The following PBX3 variants were observed in gnomAD, a reference collection of about 807,000 sequenced individuals.
PBX3 encodes pre-B-cell leukemia transcription factor 3.
PBX3 carries 14 observed loss-of-function variants against 48.5 expected under a neutral mutation model. The ratio of observed to expected loss-of-function variants is 0.29; its 90% CI spans 0.19 to 0.45. The LOEUF (loss-of-function observed/expected upper bound fraction) is 0.45. Among genes scored for constraint, PBX3 ranks in the 20% least tolerant of loss-of-function variants. PBX3 has a pLI of 1.00. For missense variants in PBX3, 386 were observed against 546.7 expected (o/e 0.71, Z 2.93); for synonymous variants, 210 against 200.3 (o/e 1.05, Z -0.41).
intron 2 of PBX3, among the ~76,000 whole-genome samples, chr9:125,776,622 G>GC (rs1331264733): frequency 2.6e-5 from 4 of 152,074 alleles, no homozygotes; most frequent in Middle Eastern, 3.4e-3. Context: ...TGCAAACTCT[G>GC]CCCCCCGGGC....
intron 2 of PBX3, among the ~76,000 whole-genome samples, chr9:125,780,653 ACCTC>A (rs1837252575): frequency 9.1e-6 from 1 of 109,346 alleles, no homozygotes; most frequent in African/African-American, 3.6e-5. Context: ...TGACCCCCCC[ACCTC>A]CCTCCCGGAT....
chr9:125,757,286 A>T (rs1249353483), intron 2 of PBX3, among the ~76,000 whole-genome samples: 2 of 151,338 alleles, frequency 1.3e-5, no homozygotes, highest in African/African-American at 4.9e-5. Flanking sequence ...TTTTTTTTAA[A>T]AAAAAAACTA....
At chr9:125,754,636 C>G (rs1836463429) in intron 2 of PBX3, among the ~76,000 whole-genome samples, 1 of 151,998 alleles carries the variant, frequency 6.6e-6, no homozygotes, top group South Asian at 2.1e-4. Flanking sequence ...ACACTTGATT[C>G]TAATTATCCC....
chr9:125,865,154 A>G (rs1839950293), intron 2 of PBX3: 1 of 165,494 alleles, frequency 6.0e-6, no homozygotes, highest in Non-Finnish European at 1.5e-5. Flanking sequence ...TGGAATCTTC[A>G]TGGAGAGAAC....
chr9:125,750,392 T>C (rs1836338154), intron 2 of PBX3, among the ~76,000 whole-genome samples: 1 of 152,244 alleles, frequency 6.6e-6, no homozygotes, highest in Non-Finnish European at 1.5e-5. Flanking sequence ...GCTTTTCATG[T>C]TGAGACATTT....
At chr9:125,791,431 A>G (rs192895026) in intron 2 of PBX3, among the ~76,000 whole-genome samples, 37 of 151,944 alleles carry the variant, frequency 2.4e-4, no homozygotes, top group East Asian at 2.3e-3. Context: ...GTGATCCCCA[A>G]TGTTGGAGGA....
chr9:125,965,575 C>T (rs536465142), intron 8 of PBX3, among the ~76,000 whole-genome samples: 23 of 152,282 alleles, frequency 1.5e-4, no homozygotes, highest in South Asian at 1.0e-3. Flanking sequence ...AGGCCGAGCT[C>T]GATGCCAGCA....
At chr9:125,832,769 G>C (rs1309773526) in intron 2 of PBX3, among the ~76,000 whole-genome samples, 1 of 152,138 alleles carries the variant, frequency 6.6e-6, no homozygotes, top group Non-Finnish European at 1.5e-5. Context: ...GGGTTTCATG[G>C]CTTTTAGGAC....
At chr9:125,795,718 A>G (rs945551512) in intron 2 of PBX3, among the ~76,000 whole-genome samples, 1 of 152,210 alleles carries the variant, frequency 6.6e-6, no homozygotes, top group East Asian at 1.9e-4. Flanking sequence ...ATTAACACCA[A>G]TACAATTTCT....
chr9:125,865,855 AGAAGACC>A (rs1307989683), intron 2 of PBX3, among the ~76,000 whole-genome samples: 3 of 152,212 alleles, frequency 2.0e-5, no homozygotes, highest in Non-Finnish European at 4.4e-5. Flanking sequence ...GGTTGATGTG[AGAAGACC>A]TCTGAGAATC....
At chr9:125,952,785 A>G (rs1842220582) in intron 5 of PBX3, among the ~76,000 whole-genome samples, 1 of 152,156 alleles carries the variant, frequency 6.6e-6, no homozygotes, top group Non-Finnish European at 1.5e-5. Flanking sequence ...TTTATTCATT[A>G]AAATGTATAT....
chr9:125,858,215 A>G (rs928810904), intron 2 of PBX3, among the ~76,000 whole-genome samples: 2 of 152,184 alleles, frequency 1.3e-5, no homozygotes, highest in Admixed American at 6.5e-5. Flanking sequence ...AAATTAAAAA[A>G]TTATCTGAGC....
intron 2 of PBX3, among the ~76,000 whole-genome samples, chr9:125,911,320 C>T (rs1841198766): frequency 6.6e-6 from 1 of 152,064 alleles, no homozygotes; most frequent in Non-Finnish European, 1.5e-5. Flanking sequence ...ACACGTCTGT[C>T]TTAATCTTTC....
chr9:125,952,886 T>G (rs556163255), intron 5 of PBX3, among the ~76,000 whole-genome samples: 3 of 152,214 alleles, frequency 2.0e-5, no homozygotes, highest in Non-Finnish European at 4.4e-5. Flanking sequence ...CAGAAATTAC[T>G]TCTAAACCCC....
chr9:125,807,808 G>A (rs73595744), intron 2 of PBX3, among the ~76,000 whole-genome samples: 3 of 152,168 alleles, frequency 2.0e-5, no homozygotes, highest in African/African-American at 7.2e-5. Context: ...GGTTTCCCAT[G>A]CACCTTGACA....
At chr9:125,836,886 A>G (rs1839153896) in intron 2 of PBX3, among the ~76,000 whole-genome samples, 1 of 152,222 alleles carries the variant, frequency 6.6e-6, no homozygotes, top group African/African-American at 2.4e-5. Context: ...GTATGATAAC[A>G]GTGTGATAGA....
At chr9:125,765,226 T>A (rs7035666) in intron 2 of PBX3, among the ~76,000 whole-genome samples, 5,419 of 151,602 alleles carry the variant, frequency 0.036, 340 homozygotes, top group African/African-American at 0.12. Context: ...CATGGCTCAC[T>A]GCAACCTCTG....
chr9:125,943,950 C>T (rs998520893), intron 5 of PBX3, among the ~76,000 whole-genome samples: 1 of 152,236 alleles, frequency 6.6e-6, no homozygotes, highest in Non-Finnish European at 1.5e-5. Flanking sequence ...AATACTGTGA[C>T]CTCACTCTTC....
intron 2 of PBX3, among the ~76,000 whole-genome samples, chr9:125,912,308 G>A (rs1477060736): frequency 1.3e-5 from 2 of 152,092 alleles, no homozygotes; most frequent in Non-Finnish European, 2.9e-5. Flanking sequence ...CATTTGAGTG[G>A]GCTTTAGGTA....
Sources: allele counts gnomAD v4.1 joint callset (sites outside exome capture counted in the v4.1 genomes callset), GRCh38; gene constraint gnomAD v4.1.1; transcripts MANE v1.5; gene names NCBI Gene and HGNC (gene_info 2026-07-23, HGNC 2026-07-21).